SNX32: variants seen among roughly 807,000 people sequenced by gnomAD.
SNX32 encodes sorting nexin 32.
In SNX32, 58 loss-of-function variants were observed where a neutral mutation model predicts 57.0. The observed-to-expected ratio is 1.02, with a 90% confidence interval of 0.82 to 1.27. The LOEUF (loss-of-function observed/expected upper bound fraction) is 1.27, where lower values mean the gene tolerates loss of function less well. Among genes scored for constraint, SNX32 ranks in the 50% most tolerant of loss-of-function variants. The probability of loss-of-function intolerance (pLI) is 0.00; values close to 1 mark genes in which losing one functional copy is unlikely to be tolerated. For synonymous variants in SNX32, 262 were observed against 220.4 expected (o/e 1.19, Z -1.67); for missense variants, 589 against 541.2 (o/e 1.09, Z -0.88).
In SNX32 at chr11:65,850,166, C is replaced by A; in HGVS notation, c.269C>A (p.Pro90Gln). ...TTTGAGCAGATCCCCCCAGCCCCTC[C>A]GAGGCCAGACTTTGAGGCTTCGAGG... ...YAGLIIPPAP[P>Q]RPDFEASREK... The change falls in exon 4 of 13, where the codon CCG becomes CAG. Residue 90 changes from proline to glutamine, a missense_variant. Pro to Gln is a moderately conservative substitution (Grantham distance 76). Transcript: ENST00000308342. The A allele has an allele frequency of 6.2e-7, 1 of 1,614,242 alleles. No individual in the cohort carries two copies. The highest frequency in any genetic ancestry group is 8.5e-7 in the Non-Finnish European group (1 of 1,180,036).
At chr11:65,844,737 C>T (rs1224911727) in intron 1 of SNX32, among the ~76,000 whole-genome samples, 2 of 151,976 alleles carry the variant, frequency 1.3e-5, no homozygotes, top group Admixed American at 6.6e-5. Context: ...GAGGCCGAAG[C>T]GGGCAGATCA....
In SNX32 at chr11:65,850,226, C is replaced by G; in HGVS notation, c.329C>G (p.Ser110Cys). The G allele has an allele frequency of 1.2e-6, 2 of 1,614,230 alleles. No individual in the cohort carries two copies. The change falls in exon 4 of 13, where the codon TCT becomes TGT. Residue 110 changes from serine (S) to cysteine (C), a missense_variant. Coordinates refer to ENST00000308342, the MANE Select transcript of SNX32 (RefSeq NM_152760.3). ...KLQKLGEGDS[S>C]VTREEFAKMK... The stretch of plus-strand genomic sequence containing the variant: ...CAGAAATTGGGCGAGGGGGACAGCT[C>G]TGTCACTCGGGAAGAGTTTGCCAAG...
chr11:65,849,747 C>A lies in SNX32; in HGVS notation c.141+165C>A, dbSNP rs147627221. On this transcript the variant is annotated intron_variant, in intron 2 of 12. Coordinates refer to ENST00000308342, the MANE Select transcript of SNX32 (RefSeq NM_152760.3). ...GTGAGCCTCTTAGCTCTGCCTAAGG[C>A]CCCGAGTCCTAATCATTCCTGTCCA... The A allele has an allele frequency of 6.0e-4, 462 of 766,732 alleles. 1 individual carries two copies. In the African/African-American group the frequency reaches 7.7e-3, roughly 13 times the overall value. 47.5% of individuals were successfully genotyped at this position (766,732 alleles called of 1,614,324 possible). A position where few individuals can be genotyped will look rare whatever the true frequency, so the allele number is the denominator to read the frequency against.
chr11:65,838,707 A>G (rs549729168), intron 1 of SNX32, among the ~76,000 whole-genome samples: 1 of 152,340 alleles, frequency 6.6e-6, no homozygotes, highest in South Asian at 2.1e-4. Flanking sequence ...CATTTACCAA[A>G]ATAAATGAAA....
intron 1 of SNX32, among the ~76,000 whole-genome samples, chr11:65,843,957 G>A (rs1020473237): frequency 5.3e-5 from 8 of 152,264 alleles, no homozygotes; most frequent in African/African-American, 1.9e-4. Flanking sequence ...GATAAATACA[G>A]AAAATGCCGC....
chr11:65,837,817 CAAAAAAAA>C (rs774242704), intron 1 of SNX32, among the ~76,000 whole-genome samples: 11 of 71,438 alleles, frequency 1.5e-4, no homozygotes, highest in African/African-American at 6.3e-4. Flanking sequence ...AAGACTCTCT[CAAAAAAAA>C]AAAAAAAAAA....
chr11:65,836,960 A>C (rs1056856305), intron 1 of SNX32, among the ~76,000 whole-genome samples: 1 of 152,108 alleles, frequency 6.6e-6, no homozygotes, highest in Non-Finnish European at 1.5e-5. Context: ...GTGGGGCTTA[A>C]AACCTAGATG....
At chr11:65,837,817 C>CA (rs774242704) in intron 1 of SNX32, among the ~76,000 whole-genome samples, 31,767 of 71,352 alleles carry the variant, frequency 0.45, 8,859 homozygotes, top group Middle Eastern at 0.68. Flanking sequence ...AAGACTCTCT[C>CA]AAAAAAAAAA....
At position 65,849,910 on chromosome 11, in the gene SNX32, C is replaced by T; in HGVS notation, c.142-10C>T. 6.4e-7 allele frequency: 1 copy of T among 1,552,290 alleles called. No individual in the cohort carries two copies. The highest frequency in any genetic ancestry group is 8.7e-7 in the Non-Finnish European group (1 of 1,145,864). On this transcript the variant is annotated splice_polypyrimidine_tract_variant and intron_variant, in intron 2 of 12. Coordinates refer to ENST00000308342, the MANE Select transcript of SNX32 (RefSeq NM_152760.3). ...AGAGAGAGGACCTCAGTTGGCCTTC[C>T]CGCTTCCAGAGCTGCCTCCCTCACT...
rs1451469307 is a variant in SNX32 at position 65,852,630 on chromosome 11, G to A, written c.913G>A (p.Asp305Asn). Residue 305 changes from aspartate (D) to asparagine (N), a missense_variant and splice_region_variant, in exon 11 of 13, where the codon GAC becomes AAC. Physicochemically the swap from Asp to Asn is conservative, Grantham distance 23. Transcript: ENST00000308342. ...YYMRDSQAAK[D>N]LLYRRLRALA... ...AGTGACCCTGTGCCCATGGTCCTAG[G>A]ACCTGCTGTACCGGCGGCTGCGGGC... 51 of 1,611,774 alleles carry A rather than the reference G, an allele frequency of 3.2e-5. No homozygotes were observed. Among genetic ancestry groups the A allele is most frequent in the Non-Finnish European group, 4.3e-5 (51 of 1,179,390 alleles).
Position 65,834,119 on chromosome 11 carries a change from A to AC in SNX32, c.36+23dup. 2.6e-6 allele frequency: 4 copies of AC among 1,547,346 alleles called. No individual in the cohort carries two copies. The highest frequency in any genetic ancestry group is 2.5e-5 in the East Asian group (1 of 40,542). On this transcript the variant is annotated intron_variant, in intron 1 of 12. Transcript: ENST00000308342. ...AGGGCAAGGTAGAGAAAGGATGAAGACCCCCACCCCAGCCTCCCCTCACTC... is the reference window on the plus strand; with the variant it reads ...AGGGCAAGGTAGAGAAAGGATGAAGACCCCCCACCCCAGCCTCCCCTCACTC...
At chr11:65,848,683 C>T (rs1859070600) in intron 1 of SNX32, among the ~76,000 whole-genome samples, 1 of 152,208 alleles carries the variant, frequency 6.6e-6, no homozygotes. Context: ...AAGCTTTTGC[C>T]TCTTGGCACC....
In SNX32 at chr11:65,853,659, G is replaced by T. The variant is rs554637727; in HGVS notation, c.*324G>T. 1.2e-5 allele frequency: 5 copies of T among 406,280 alleles called. No individual in the cohort carries two copies. Among genetic ancestry groups the T allele is most frequent in the African/African-American group, 8.0e-5 (4 of 50,058 alleles). The allele number at this position is 406,280 out of a possible 1,614,324, so 25.2% of individuals were successfully genotyped here. A position where few individuals can be genotyped will look rare whatever the true frequency, so the allele number is the denominator to read the frequency against. The stretch of plus-strand genomic sequence containing the variant: ...AAGGAATCATAGCTCACTTGATCCC[G>T]GCCTGTTCTCCTTCGCAAATAAAAA... On this transcript the variant is annotated 3_prime_UTR_variant, in exon 13 of 13. Transcript: ENST00000308342.
At position 65,853,636 on chromosome 11, in the gene SNX32, G is replaced by A. The variant is rs1859304535; in HGVS notation, c.*301G>A. On this transcript the variant is annotated 3_prime_UTR_variant, in exon 13 of 13. Coordinates refer to ENST00000308342, the MANE Select transcript of SNX32 (RefSeq NM_152760.3). ...CTCTACCCTCACCCATAGCCCTGAA[G>A]GAATCATAGCTCACTTGATCCCGGC... 2.1e-6 allele frequency: 1 copy of A among 485,000 alleles called. No individual in the cohort carries two copies. Among genetic ancestry groups the A allele is most frequent in the Non-Finnish European group, 3.7e-6 (1 of 267,532 alleles). The allele number at this position is 485,000 out of a possible 1,614,324, so 30.0% of individuals were successfully genotyped here.
In SNX32 at chr11:65,852,953, G is replaced by A. The variant is rs764205010; in HGVS notation, c.1153G>A (p.Ala385Thr). ...GCTGGCAGAGCTGGAGCTCAAACAC[G>A]CCAAGGTGAGCCCTCCCACCTCACT... is the stretch of plus-strand genomic sequence containing the variant. ...IELAELELKH[A>T]KASTLILRNT... Residue 385 changes from alanine (A) to threonine (T), a missense_variant, in exon 12 of 13, where the codon GCC becomes ACC. Physicochemically the swap from Ala to Thr is moderately conservative, Grantham distance 58. Coordinates refer to ENST00000308342, the MANE Select transcript of SNX32 (RefSeq NM_152760.3). The A allele has an allele frequency of 8.1e-6, 13 of 1,614,000 alleles. No individual in the cohort carries two copies. Among genetic ancestry groups the A allele is most frequent in the East Asian group, 4.5e-5 (2 of 44,874 alleles).
At position 65,850,001 on chromosome 11, in the gene SNX32, G is replaced by A. The variant is rs771440339; in HGVS notation, c.223G>A (p.Val75Met). The stretch of plus-strand genomic sequence containing the variant: ...GTTCATCTGGCTGCATGATGCCTAC[G>A]TGGAGAATGAGGAGTACGCCGGCCT... ...EEFIWLHDAYVENEEYAGLII... is the reference protein window; with the variant it reads ...EEFIWLHDAYMENEEYAGLII... The change falls in exon 3 of 13, where the codon GTG becomes ATG. Residue 75 changes from valine (V) to methionine (M), a missense_variant. By Grantham distance (21) the Val-to-Met change is conservative. Coordinates refer to ENST00000308342, the MANE Select transcript of SNX32 (RefSeq NM_152760.3). 3.7e-6 allele frequency: 6 copies of A among 1,613,810 alleles called. No homozygotes were observed. Among genetic ancestry groups the A allele is most frequent in the South Asian group, 1.1e-5 (1 of 91,052 alleles).
At chr11:65,834,919 T>G (rs535155845) in intron 1 of SNX32, among the ~76,000 whole-genome samples, 38 of 151,700 alleles carry the variant, frequency 2.5e-4, no homozygotes, top group Non-Finnish European at 4.9e-4. Flanking sequence ...TGTGTGTCTA[T>G]GTCAGTGTGT....
In SNX32 at chr11:65,834,031, C is replaced by G. The variant is rs1226081938; in HGVS notation, c.-35C>G. 3.2e-6 allele frequency: 5 copies of G among 1,547,636 alleles called. No homozygotes were observed. In the Admixed American group the frequency reaches 5.9e-5, roughly 18 times the overall value. ...TACGGGGACGACCTGCGGGAGCACG[C>G]GGGCAGTGGCCGGACGCTGAAGCCC... is the stretch of plus-strand genomic sequence containing the variant. On this transcript the variant is annotated 5_prime_UTR_variant, in exon 1 of 13. Transcript: ENST00000308342.
At chr11:65,841,609 C>T (rs1342497098) in intron 1 of SNX32, among the ~76,000 whole-genome samples, 5 of 151,880 alleles carry the variant, frequency 3.3e-5, no homozygotes, top group Non-Finnish European at 7.4e-5. Flanking sequence ...GAAAGGGCGC[C>T]TATAATCCCA....
Sources: allele counts gnomAD v4.1 joint callset (sites outside exome capture counted in the v4.1 genomes callset), GRCh38; gene constraint gnomAD v4.1.1; transcripts MANE v1.5; gene names NCBI Gene and HGNC (gene_info 2026-07-23, HGNC 2026-07-21).